Variants in SLC39A8 observed in about 807,000 individuals in gnomAD.
SLC39A8 encodes the protein solute carrier family 39 member 8.
In SLC39A8, 15 loss-of-function variants were observed where a neutral mutation model predicts 40.4. The ratio of observed to expected loss-of-function variants is 0.37; its 90% CI spans 0.25 to 0.57. SLC39A8 has a LOEUF of 0.57. Ranked by LOEUF, SLC39A8 falls within the 20% of genes least tolerant of loss-of-function variation. The probability of loss-of-function intolerance (pLI) is 0.75; values close to 1 mark genes in which losing one functional copy is unlikely to be tolerated. For synonymous variants in SLC39A8, 223 were observed against 221.6 expected (o/e 1.01, Z -0.06); for missense variants, 472 against 558.8 (o/e 0.84, Z 1.57).
intron 2 of SLC39A8, among the ~76,000 whole-genome samples, chr4:102,343,250 T>C (rs934693852): frequency 1.5e-4 from 23 of 152,332 alleles, no homozygotes; most frequent in Admixed American, 1.4e-3. Flanking sequence ...AAGAGCCATA[T>C]ACTTTAATTG....
chr4:102,322,445 C>G (rs1243296268), intron 2 of SLC39A8, among the ~76,000 whole-genome samples: 1 of 152,124 alleles, frequency 6.6e-6, no homozygotes, highest in South Asian at 2.1e-4. Flanking sequence ...TTAAAAGTCA[C>G]TTTTAAAAGC....
chr4:102,284,538 A>G (rs1733068010), intron 6 of SLC39A8, among the ~76,000 whole-genome samples: 1 of 152,178 alleles, frequency 6.6e-6, no homozygotes, highest in Non-Finnish European at 1.5e-5. Context: ...CCATCTTCCT[A>G]CGCTTTAATA....
intron 3 of SLC39A8, among the ~76,000 whole-genome samples, chr4:102,311,930 T>C (rs544984035): frequency 6.6e-6 from 1 of 152,176 alleles, no homozygotes; most frequent in South Asian, 2.1e-4. Context: ...AAAATGTTTT[T>C]CTTAGTGAGA....
At chr4:102,317,524 T>A (rs1202904815) in intron 2 of SLC39A8, among the ~76,000 whole-genome samples, 1 of 152,058 alleles carries the variant, frequency 6.6e-6, no homozygotes, top group African/African-American at 2.4e-5. Context: ...AGGGAGAAAA[T>A]ACCTCAAGAT....
downstream of SLC39A8, among the ~76,000 whole-genome samples, chr4:102,258,623 C>T (rs1731768019): frequency 6.6e-6 from 1 of 152,116 alleles, no homozygotes; most frequent in South Asian, 2.1e-4. Flanking sequence ...GCTTTTGGCC[C>T]TTCCAGGGTT....
At chr4:102,338,765 T>C (rs983981503) in intron 2 of SLC39A8, among the ~76,000 whole-genome samples, 3 of 152,220 alleles carry the variant, frequency 2.0e-5, no homozygotes, top group Admixed American at 2.0e-4. Context: ...GTTGGTCCAG[T>C]TACTTAACCT....
chr4:102,276,711 C>T (rs906541572), intron 6 of SLC39A8, among the ~76,000 whole-genome samples: 2 of 152,142 alleles, frequency 1.3e-5, no homozygotes, highest in African/African-American at 4.8e-5. Context: ...CCTAATATCC[C>T]TGATGAACAT....
At chr4:102,257,177 T>C (rs965713843), downstream of SLC39A8, among the ~76,000 whole-genome samples, 1 of 151,606 alleles carries the variant, frequency 6.6e-6, no homozygotes. Flanking sequence ...TTTTCCAAGA[T>C]GGAGTCTTGC....
chr4:102,261,997 T>C lies in SLC39A8; in HGVS notation c.*1047A>G. On this transcript the variant is annotated 3_prime_UTR_variant, in exon 9 of 9. Transcript: ENST00000356736. ...AATAACCATGGTGTGCTAATTTTTT[T>C]CAAGGTATACCATATGGAAAAGTAT... The C allele has an allele frequency of 1.0e-6, 1 of 985,956 alleles. No homozygotes were observed. 61.1% of individuals were successfully genotyped at this position (985,956 alleles called of 1,614,324 possible). A position where few individuals can be genotyped will look rare whatever the true frequency, so the allele number is the denominator to read the frequency against.
intron 2 of SLC39A8, among the ~76,000 whole-genome samples, chr4:102,326,575 T>C (rs1375446947): frequency 6.6e-6 from 1 of 152,016 alleles, no homozygotes; most frequent in African/African-American, 2.4e-5. Context: ...AAATAAAAAA[T>C]AAAATTAGCA....
chr4:102,263,251 A>C (rs1285348036), intron 8 of SLC39A8, 58 bp from the exon 9 acceptor site: 3 of 1,453,986 alleles, frequency 2.1e-6, no homozygotes, highest in Non-Finnish European at 2.9e-6. Flanking sequence ...ACCACAAAAC[A>C]GTCACTTAGA....
intron 4 of SLC39A8, among the ~76,000 whole-genome samples, chr4:102,305,879 C>T (rs747119136): frequency 1.3e-4 from 20 of 151,982 alleles, no homozygotes; most frequent in Admixed American, 4.6e-4. Flanking sequence ...CACAACTTTA[C>T]ACCATTCCAC....
intron 6 of SLC39A8, among the ~76,000 whole-genome samples, chr4:102,271,014 G>A (rs1441309303): frequency 3.3e-5 from 5 of 152,026 alleles, no homozygotes; most frequent in Non-Finnish European, 7.4e-5. Context: ...ACAAGGAAAG[G>A]GAGAAGTAGC....
chr4:102,302,322 A>G (rs1334861936), intron 6 of SLC39A8, among the ~76,000 whole-genome samples: 1 of 152,014 alleles, frequency 6.6e-6, no homozygotes, highest in Non-Finnish European at 1.5e-5. Flanking sequence ...TTAGCAATAT[A>G]GCTGACTGGC....
chr4:102,274,565 A>G (rs1732528132), intron 6 of SLC39A8, among the ~76,000 whole-genome samples: 1 of 152,212 alleles, frequency 6.6e-6, no homozygotes, highest in East Asian at 1.9e-4. Flanking sequence ...CAACCTAGCA[A>G]GATAGGCCAA....
At position 102,267,523 on chromosome 4, in the gene SLC39A8, T is replaced by A. The variant is rs1332251146; in HGVS notation, c.1200A>T (p.Gly400=). 6.2e-7 allele frequency: 1 copy of A among 1,612,746 alleles called. No homozygotes were observed. Among genetic ancestry groups the A allele is most frequent in the South Asian group, 1.1e-5 (1 of 90,528 alleles). ...CCAGAGAAATATAGAGGAACATGCC[T>A]CCAGCAAGTGCAAATATAATATTTG... ...FAPNIIFALA[G]GMFLYISLAD... is the part of the protein sequence containing the mutation. The change falls in exon 8 of 9, where the codon GGA becomes GGT. Residue 400 remains glycine (G), a synonymous_variant. Coordinates refer to ENST00000356736, the MANE Select transcript of SLC39A8 (RefSeq NM_001135146.2).
intron 2 of SLC39A8, among the ~76,000 whole-genome samples, chr4:102,319,435 A>G (rs575428393): frequency 4.6e-4 from 70 of 151,952 alleles, no homozygotes; most frequent in African/African-American, 1.6e-3. Context: ...CCTAGCATCC[A>G]TCCTTACAGG....
At chr4:102,319,424 C>A (rs1734806642) in intron 2 of SLC39A8, among the ~76,000 whole-genome samples, 1 of 151,946 alleles carries the variant, frequency 6.6e-6, no homozygotes, top group Non-Finnish European at 1.5e-5. Flanking sequence ...CAGGCCTCGA[C>A]CCTAGCATCC....
chr4:102,259,573 T>TGA (rs1401769509), downstream of SLC39A8: 2 of 1,297,058 alleles, frequency 1.5e-6, no homozygotes, highest in Non-Finnish European at 2.2e-6. Context: ...AGGAAATCAG[T>TGA]GATGTGCTCA....
Sources: allele counts gnomAD v4.1 joint callset (sites outside exome capture counted in the v4.1 genomes callset), GRCh38; gene constraint gnomAD v4.1.1; transcripts MANE v1.5; gene names NCBI Gene and HGNC (gene_info 2026-07-23, HGNC 2026-07-21).